The following ZNF804B variants were observed in gnomAD, a reference collection of about 807,000 sequenced individuals.
ZNF804B encodes the protein zinc finger 804B.
Under a neutral mutation model 101.4 loss-of-function variants are expected in ZNF804B, and 80 were observed. The observed-to-expected ratio is 0.79, with a 90% CI of 0.66 to 0.95. ZNF804B has a LOEUF of 0.95. Ranked by LOEUF, ZNF804B falls within the 40% of genes least tolerant of loss-of-function variation. The pLI is 0.00. For missense variants in ZNF804B, 1,673 were observed against 1,561.9 expected (o/e 1.07, Z -1.20); for synonymous variants, 622 against 558.8 (o/e 1.11, Z -1.59).
intron 1 of ZNF804B, among the ~76,000 whole-genome samples, chr7:89,136,034 C>G (rs1354908222): frequency 6.6e-6 from 1 of 152,026 alleles, no homozygotes; most frequent in East Asian, 1.9e-4. Flanking sequence ...AATTTATAAA[C>G]TTTGAATTTA....
chr7:89,127,368 AT>A (rs1002573757), intron 1 of ZNF804B, among the ~76,000 whole-genome samples: 4 of 148,478 alleles, frequency 2.7e-5, no homozygotes, highest in Non-Finnish European at 6.0e-5. Flanking sequence ...CCAAAACGGT[AT>A]TTTTTTGAAC....
At chr7:89,257,272 G>A (rs967819978) in intron 2 of ZNF804B, among the ~76,000 whole-genome samples, 56 of 152,136 alleles carry the variant, frequency 3.7e-4, no homozygotes, top group South Asian at 1.0e-3. Flanking sequence ...ATCCTTCCAC[G>A]AATTTTTTAA....
intron 1 of ZNF804B, among the ~76,000 whole-genome samples, chr7:89,032,517 A>G (rs1469614164): frequency 6.6e-6 from 1 of 152,118 alleles, no homozygotes; most frequent in African/African-American, 2.4e-5. Context: ...ATTTCAGAAT[A>G]TTTTCAAAAT....
At chr7:88,805,269 T>G (rs540060031) in intron 1 of ZNF804B, among the ~76,000 whole-genome samples, 1 of 152,334 alleles carries the variant, frequency 6.6e-6, no homozygotes, top group South Asian at 2.1e-4. Context: ...AAAATGTATT[T>G]CTTTTTAAAG....
chr7:89,277,977 G>C (rs1790015894), intron 2 of ZNF804B, among the ~76,000 whole-genome samples: 1 of 152,124 alleles, frequency 6.6e-6, no homozygotes, highest in African/African-American at 2.4e-5. Context: ...CAGTGTAAAA[G>C]TGTTCTTATT....
intron 1 of ZNF804B, among the ~76,000 whole-genome samples, chr7:88,978,193 T>A (rs1385117972): frequency 6.6e-6 from 1 of 151,672 alleles, no homozygotes; most frequent in Admixed American, 6.6e-5. Context: ...AAGAGACTAA[T>A]GTGGATTCTG....
chr7:89,060,746 T>C (rs780975689), intron 1 of ZNF804B, among the ~76,000 whole-genome samples: 4 of 152,184 alleles, frequency 2.6e-5, no homozygotes, highest in Non-Finnish European at 5.9e-5. Flanking sequence ...ATTTATCTTA[T>C]ACATTTTTGC....
chr7:88,989,771 C>CTA (rs1793818033), intron 1 of ZNF804B, among the ~76,000 whole-genome samples: 4 of 152,044 alleles, frequency 2.6e-5, no homozygotes, highest in African/African-American at 9.7e-5. Context: ...AATGACATGG[C>CTA]ATCATGTATA....
intron 2 of ZNF804B, among the ~76,000 whole-genome samples, chr7:89,235,055 T>C (rs1307924597): frequency 6.6e-6 from 1 of 152,186 alleles, no homozygotes. Context: ...TAAATACTTC[T>C]ATAGTAAAAA....
intron 1 of ZNF804B, among the ~76,000 whole-genome samples, chr7:88,968,850 G>A (rs967281725): frequency 1.3e-5 from 2 of 151,464 alleles, no homozygotes; most frequent in African/African-American, 4.8e-5. Flanking sequence ...ATATTACATA[G>A]GTTAGATTTA....
At chr7:89,139,308 T>C (rs535097158) in intron 1 of ZNF804B, among the ~76,000 whole-genome samples, 50 of 152,288 alleles carry the variant, frequency 3.3e-4, no homozygotes, top group African/African-American at 1.2e-3. Context: ...TGCCTTGATA[T>C]TGATAGCTGC....
intron 1 of ZNF804B, among the ~76,000 whole-genome samples, chr7:88,934,441 T>G (rs762508044): frequency 7.2e-5 from 11 of 151,768 alleles, no homozygotes; most frequent in Non-Finnish European, 1.3e-4. Flanking sequence ...GCAAAAGAAA[T>G]AATCAGCAGG....
At chr7:88,942,638 T>C (rs1384726731) in intron 1 of ZNF804B, among the ~76,000 whole-genome samples, 1 of 151,126 alleles carries the variant, frequency 6.6e-6, no homozygotes, top group Non-Finnish European at 1.5e-5. Flanking sequence ...TCATCTTGAA[T>C]GAATGCATGA....
chr7:88,890,373 A>T (rs1304143926), intron 1 of ZNF804B, among the ~76,000 whole-genome samples: 1 of 152,220 alleles, frequency 6.6e-6, no homozygotes, highest in East Asian at 1.9e-4. Context: ...AGGAGTTTGC[A>T]TATCAATTGA....
intron 1 of ZNF804B, among the ~76,000 whole-genome samples, chr7:89,058,498 A>G (rs1789329442): frequency 6.6e-6 from 1 of 152,140 alleles, no homozygotes; most frequent in Non-Finnish European, 1.5e-5. Flanking sequence ...GTAGCATAAC[A>G]TTCCTACTAA....
At chr7:88,776,791 C>CA (rs1554334537) in intron 1 of ZNF804B, among the ~76,000 whole-genome samples, 9 of 100,124 alleles carry the variant, frequency 9.0e-5, no homozygotes, top group South Asian at 4.0e-4. Flanking sequence ...CCCCCCCCCC[C>CA]ACCCTGTTCA....
intron 2 of ZNF804B, among the ~76,000 whole-genome samples, chr7:89,318,895 GATTTACCCAC>G (rs200027271): frequency 0.02 from 3,069 of 152,210 alleles, 95 homozygotes; most frequent in African/African-American, 0.07. Flanking sequence ...CCCGAACAGA[GATTTACCCAC>G]ATATTTATTA....
At chr7:89,249,037 A>AAG (rs1562927857) in intron 2 of ZNF804B, among the ~76,000 whole-genome samples, 1 of 151,858 alleles carries the variant, frequency 6.6e-6, no homozygotes, top group Non-Finnish European at 1.5e-5. Context: ...AGTAAAAAAA[A>AAG]AAAAAAAAGG....
At chr7:88,885,721 G>A (rs1230795940) in intron 1 of ZNF804B, among the ~76,000 whole-genome samples, 1 of 150,726 alleles carries the variant, frequency 6.6e-6, no homozygotes, top group Non-Finnish European at 1.5e-5. Flanking sequence ...GTTTTCTTAA[G>A]ATTACTTAAA....
Sources: gnomAD v4.1 joint callset for allele counts (sites outside exome capture counted in the v4.1 genomes callset) on GRCh38, gnomAD v4.1.1 for gene constraint, MANE v1.5 for transcripts, NCBI Gene and HGNC (gene_info 2026-07-23, HGNC 2026-07-21) for gene names.